ZBTB16: variants seen among roughly 807,000 people sequenced by gnomAD.
ZBTB16 encodes zinc finger and BTB domain-containing protein 16.
A neutral mutation model predicts 56.8 loss-of-function variants in ZBTB16; 8 were observed. The observed-to-expected ratio is 0.14, with a 90% confidence interval of 0.08 to 0.25. ZBTB16 has a LOEUF of 0.25. ZBTB16 is among the 10% of genes least tolerant of loss of function. ZBTB16 has a pLI of 1.00. For synonymous variants in ZBTB16, 363 were observed against 368.5 expected (o/e 0.98, Z 0.17); for missense variants, 625 against 903.0 (o/e 0.69, Z 3.95).
intron 3 of ZBTB16, among the ~76,000 whole-genome samples, chr11:114,178,400 G>A (rs996273658): frequency 6.6e-6 from 1 of 152,202 alleles, no homozygotes; most frequent in Non-Finnish European, 1.5e-5. Context: ...GTAAGAAACA[G>A]GCCCAGAAGA....
chr11:114,148,394 TCCCTCCCTC>T (rs1942176405), intron 2 of ZBTB16, among the ~76,000 whole-genome samples: 10 of 30,644 alleles, frequency 3.3e-4, no homozygotes, highest in Non-Finnish European at 6.3e-4. Flanking sequence ...CCTTCCTCCT[TCCCTCCCTC>T]CCTCCCTCCC....
At chr11:114,179,280 T>G (rs200091293) in intron 3 of ZBTB16, among the ~76,000 whole-genome samples, 2 of 149,710 alleles carry the variant, frequency 1.3e-5, no homozygotes, top group African/African-American at 2.5e-5. Context: ...GAGAGAGAGC[T>G]AGAGAGAGAG....
chr11:114,140,210 T>C (rs1378318126), intron 2 of ZBTB16, among the ~76,000 whole-genome samples: 1 of 152,194 alleles, frequency 6.6e-6, no homozygotes, highest in African/African-American at 2.4e-5. Context: ...TCCTCTTCTA[T>C]GTCTGCTGCC....
At chr11:114,122,234 T>G (rs183713162) in intron 2 of ZBTB16, among the ~76,000 whole-genome samples, 75 of 152,294 alleles carry the variant, frequency 4.9e-4, no homozygotes, top group Admixed American at 8.5e-4. Flanking sequence ...AAGAAATACG[T>G]GTTGCTTCAG....
intron 2 of ZBTB16, among the ~76,000 whole-genome samples, chr11:114,129,389 T>C (rs975863980): frequency 6.6e-6 from 1 of 152,218 alleles, no homozygotes; most frequent in African/African-American, 2.4e-5. Flanking sequence ...CAAATCACTT[T>C]CAAATTTACT....
chr11:114,125,215 C>T (rs1029429272), intron 2 of ZBTB16, among the ~76,000 whole-genome samples: 6 of 152,182 alleles, frequency 3.9e-5, no homozygotes, highest in African/African-American at 4.8e-5. Flanking sequence ...CATTTCAGCT[C>T]TCCTCTAGGG....
rs189907089 is a variant in ZBTB16, at chr11:114,118,361, G to T, written c.1269-37976G>T. Among the ~76,000 whole-genome samples the T allele has an allele frequency of 2.5e-3, 380 of 152,198 alleles. 4 individuals are homozygous for T. The highest frequency in any genetic ancestry group is 0.014 in the Middle Eastern group (4 of 294). ...CCAGCAAATTTTTGTATTTTTAGTA[G>T]AGACAGGGTTTTACCATGTTGGCCA... On this transcript the variant is annotated intron_variant, in intron 2 of 6. Transcript: ENST00000335953.
intron 3 of ZBTB16, among the ~76,000 whole-genome samples, chr11:114,159,465 T>G (rs1942516689): frequency 1.3e-5 from 2 of 152,224 alleles, no homozygotes; most frequent in Admixed American, 1.3e-4. Flanking sequence ...ACGGCCTATA[T>G]TCTGATATTT....
intron 1 of ZBTB16, chr11:114,061,287 C>A (rs962669217): frequency 1.3e-5 from 2 of 151,808 alleles, no homozygotes; most frequent in Non-Finnish European, 2.9e-5. Flanking sequence ...AGACGGCTGC[C>A]CGTGGGCGCC....
chr11:114,235,749 C>CTTCCTTCCTTCCTTCCTTCG (rs1365965229), intron 4 of ZBTB16, among the ~76,000 whole-genome samples: 2 of 133,052 alleles, frequency 1.5e-5, no homozygotes, highest in African/African-American at 5.8e-5. Context: ...CTTTTCTTTC[C>CTTCCTTCCTTCCTTCCTTCG]TTCCTTCCTT....
intron 4 of ZBTB16, among the ~76,000 whole-genome samples, chr11:114,205,785 A>G (rs1223356127): frequency 1.3e-5 from 2 of 152,216 alleles, no homozygotes; most frequent in East Asian, 3.8e-4. Context: ...TTCCATATTC[A>G]TTTTAGTTAC....
At chr11:114,230,634 G>GGA (rs202102278) in intron 4 of ZBTB16, among the ~76,000 whole-genome samples, 1 of 132,784 alleles carries the variant, frequency 7.5e-6, no homozygotes, top group East Asian at 2.4e-4. Context: ...TCTTCTGTGG[G>GGA]GGGGGGGCGG....
At chr11:114,205,763 G>A (rs1207898381) in intron 4 of ZBTB16, among the ~76,000 whole-genome samples, 2 of 152,182 alleles carry the variant, frequency 1.3e-5, no homozygotes, top group East Asian at 3.8e-4. Flanking sequence ...ATGTTTTAAA[G>A]GTAATTATCT....
chr11:114,138,471 A>G (rs1158165522), intron 2 of ZBTB16, among the ~76,000 whole-genome samples: 1 of 152,162 alleles, frequency 6.6e-6, no homozygotes, highest in Non-Finnish European at 1.5e-5. Context: ...GTCATACATT[A>G]TTAGTGTGCA....
chr11:114,115,970 G>A (rs955651110), intron 2 of ZBTB16, among the ~76,000 whole-genome samples: 3 of 152,186 alleles, frequency 2.0e-5, no homozygotes, highest in African/African-American at 7.2e-5. Flanking sequence ...TCCCCACCCT[G>A]TCCATGAAGC....
At chr11:114,220,069 T>C (rs1445399274) in intron 4 of ZBTB16, among the ~76,000 whole-genome samples, 1 of 152,194 alleles carries the variant, frequency 6.6e-6, no homozygotes, top group Non-Finnish European at 1.5e-5. Flanking sequence ...AGCCAGTCTT[T>C]GGCCTCCGTC....
intron 2 of ZBTB16, among the ~76,000 whole-genome samples, chr11:114,128,143 C>T (rs1045960147): frequency 6.6e-6 from 1 of 152,224 alleles, no homozygotes; most frequent in African/African-American, 2.4e-5. Flanking sequence ...TCGTCTGGTC[C>T]CTGGCTTTAG....
At chr11:114,068,553 A>G (rs1250625731) in intron 2 of ZBTB16, among the ~76,000 whole-genome samples, 2 of 152,348 alleles carry the variant, frequency 1.3e-5, no homozygotes, top group East Asian at 3.9e-4. Flanking sequence ...AAGGCATCCA[A>G]TGGGACTGAC....
At chr11:114,111,298 C>T (rs1355293813) in intron 2 of ZBTB16, among the ~76,000 whole-genome samples, 1 of 152,006 alleles carries the variant, frequency 6.6e-6, no homozygotes, top group Non-Finnish European at 1.5e-5. Context: ...GCAATAATAC[C>T]ATTGGTATTT....
Sources: allele counts gnomAD v4.1 joint callset (sites outside exome capture counted in the v4.1 genomes callset), GRCh38; gene constraint gnomAD v4.1.1; transcripts MANE v1.5; gene names NCBI Gene and HGNC (gene_info 2026-07-23, HGNC 2026-07-21).